Variants in EIPR1 observed in about 807,000 individuals in gnomAD.
EIPR1 encodes the protein EARP and GARP complex-interacting protein 1.
EIPR1 carries 25 observed loss-of-function variants against 48.1 expected under a neutral mutation model. The ratio of observed to expected loss-of-function variants is 0.52; its 90% CI spans 0.38 to 0.73. The LOEUF is 0.73. Ranked by LOEUF, EIPR1 falls within the 30% of genes least tolerant of loss-of-function variation. The probability of loss-of-function intolerance (pLI) is 0.00; values close to 1 mark genes in which losing one functional copy is unlikely to be tolerated. For missense variants in EIPR1, 415 were observed against 506.2 expected, an observed-to-expected ratio of 0.82 and a Z score of 1.73; for synonymous variants, 204 against 201.9, an observed-to-expected ratio of 1.01 and a Z score of -0.09.
intron 3 of EIPR1, among the ~76,000 whole-genome samples, chr2:3,277,018 T>C (rs771244086): frequency 6.6e-6 from 1 of 152,208 alleles, no homozygotes; most frequent in Non-Finnish European, 1.5e-5. Context: ...TCCAATACTC[T>C]AATTAAAAAC....
chr2:3,246,244 G>T (rs940693953), intron 4 of EIPR1, among the ~76,000 whole-genome samples: 1 of 152,122 alleles, frequency 6.6e-6, no homozygotes, highest in Non-Finnish European at 1.5e-5. Flanking sequence ...TTTACAAAAT[G>T]GGAAGGATAG....
In EIPR1 at chr2:3,377,313, C is replaced by T. The variant is rs1572499229; in HGVS notation, c.42+335G>A. ...AAACATTTTTATTTTAAACAACATA[C>T]AGTTCCTACCTTCAGGAACTCAAAT... On this transcript the variant is annotated intron_variant, in intron 1 of 8. Transcript: ENST00000382125. 14 of 335,554 alleles carry T rather than the reference C, an allele frequency of 4.2e-5. No individual in the cohort carries two copies. In the East Asian group the frequency reaches 6.6e-4, roughly 16 times the overall value. The allele number at this position is 335,554 out of a possible 1,614,324, so 20.8% of individuals were successfully genotyped here.
intron 3 of EIPR1, chr2:3,319,157 C>A: frequency 3.0e-6 from 1 of 337,458 alleles, no homozygotes; most frequent in Non-Finnish European, 5.9e-6. Flanking sequence ...CTCCATCCTG[C>A]GTGACAAAAA....
At chr2:3,262,404 G>A (rs1238737521) in intron 3 of EIPR1, among the ~76,000 whole-genome samples, 1 of 152,128 alleles carries the variant, frequency 6.6e-6, no homozygotes, top group Non-Finnish European at 1.5e-5. Context: ...TTCTGCTGAG[G>A]ACACCAGGAC....
chr2:3,255,434 T>C (rs2694069), intron 4 of EIPR1, among the ~76,000 whole-genome samples: 100,631 of 152,076 alleles, frequency 0.66, 33,522 homozygotes, highest in East Asian at 0.81. Context: ...CCACCCACCT[T>C]GGCCTCCCAA....
At chr2:3,370,437 T>C (rs1671086319) in intron 1 of EIPR1, among the ~76,000 whole-genome samples, 2 of 152,044 alleles carry the variant, frequency 1.3e-5, no homozygotes, top group South Asian at 4.2e-4. Flanking sequence ...ATCAAACTAC[T>C]CCGAGCTACA....
rs557264226 is a variant in EIPR1 at position 3,232,704 on chromosome 2, C to T, written c.417-18456G>A. On this transcript the variant is annotated intron_variant, in intron 4 of 8. Transcript: ENST00000382125. ...TCACTCTCCTCTCAGGGGAGAGAGC[C>T]GGTTCCCCCATGTTGAATAGGCCTG... Among the ~76,000 whole-genome samples the T allele has an allele frequency of 2.0e-5, 3 of 152,162 alleles. No homozygotes were observed. The South Asian group carries it at 6.2e-4, about 32-fold the overall frequency.
At chr2:3,324,419 T>C (rs1219817061) in intron 3 of EIPR1, among the ~76,000 whole-genome samples, 1 of 152,254 alleles carries the variant, frequency 6.6e-6, no homozygotes, top group Non-Finnish European at 1.5e-5. Context: ...TGTCGCTCCG[T>C]GTGCCCACTG....
intron 5 of EIPR1, among the ~76,000 whole-genome samples, chr2:3,199,162 G>A (rs1664924744): frequency 6.7e-6 from 1 of 149,808 alleles, no homozygotes. Flanking sequence ...ATCCGTTTTG[G>A]TAATAAGAGA....
At chr2:3,261,089 C>G (rs974362911) in intron 3 of EIPR1, among the ~76,000 whole-genome samples, 2 of 152,056 alleles carry the variant, frequency 1.3e-5, no homozygotes, top group Non-Finnish European at 2.9e-5. Flanking sequence ...AAACCCAGCC[C>G]CAAGTAAATG....
chr2:3,303,452 G>A (rs1168156604), intron 3 of EIPR1, among the ~76,000 whole-genome samples: 1 of 152,346 alleles, frequency 6.6e-6, no homozygotes, highest in South Asian at 2.1e-4. Flanking sequence ...GGAAGTCACC[G>A]GCACTGCTGC....
At chr2:3,328,911 TC>T (rs1411622229) in intron 3 of EIPR1, among the ~76,000 whole-genome samples, 3 of 142,294 alleles carry the variant, frequency 2.1e-5, no homozygotes, top group Non-Finnish European at 3.0e-5. Flanking sequence ...CAGCCTGGGC[TC>T]CCCTGAATCA....
chr2:3,315,072 A>G, intron 3 of EIPR1, among the ~76,000 whole-genome samples: 1 of 41,508 alleles, frequency 2.4e-5, no homozygotes, highest in Non-Finnish European at 4.5e-5. Flanking sequence ...GTACCCCACC[A>G]CAGTCATCAC....
In EIPR1 at chr2:3,194,164, T is replaced by C; in HGVS notation, c.656A>G (p.Gln219Arg). The C allele has an allele frequency of 6.2e-7, 1 of 1,613,334 alleles. No homozygotes were observed. Among genetic ancestry groups the C allele is most frequent in the East Asian group, 2.2e-5 (1 of 44,882 alleles). ...LRGWDTRSMS[Q>R]IYCIENAHGQ... ...GTGGGCATTCTCTATGCAGTAGATC[T>C]GGCTGAGGGAGAAGGAAGAACAGCA... Residue 219 changes from glutamine (Q) to arginine (R), a missense_variant and splice_region_variant, in exon 7 of 9, where the codon CAG becomes CGG. Coordinates refer to ENST00000382125, the MANE Select transcript of EIPR1 (RefSeq NM_003310.5).
intron 3 of EIPR1, among the ~76,000 whole-genome samples, chr2:3,314,538 C>T (rs1189046728): frequency 6.6e-6 from 1 of 151,966 alleles, no homozygotes; most frequent in Non-Finnish European, 1.5e-5. Context: ...ACTATCTTTC[C>T]AAGACCACAG....
In EIPR1 at chr2:3,216,414, A is replaced by T. The variant is rs530588777; in HGVS notation, c.417-2166T>A. Among the ~76,000 whole-genome samples the T allele has an allele frequency of 2.8e-4, 42 of 152,302 alleles. No individual in the cohort carries two copies. In the South Asian group the frequency reaches 8.7e-3, roughly 32 times the overall value. On this transcript the variant is annotated intron_variant, in intron 4 of 8. Coordinates refer to ENST00000382125, the MANE Select transcript of EIPR1 (RefSeq NM_003310.5). ...AGTGACAGTGACTTCTCAGCATGGT[A>T]CCAGCAAGACGCAGTGTACGTCAGC...
chr2:3,236,499 C>T (rs1016930532), intron 4 of EIPR1, among the ~76,000 whole-genome samples: 1 of 152,154 alleles, frequency 6.6e-6, no homozygotes, highest in African/African-American at 2.4e-5. Context: ...GGCTGAAAAC[C>T]ACACCTGAGA....
At chr2:3,238,382 G>T (rs559659970) in intron 4 of EIPR1, among the ~76,000 whole-genome samples, 1 of 152,230 alleles carries the variant, frequency 6.6e-6, no homozygotes, top group Non-Finnish European at 1.5e-5. Context: ...AGCCGCGGGA[G>T]GTCCTGTCGC....
chr2:3,333,615 C>A (rs751512821), intron 3 of EIPR1, among the ~76,000 whole-genome samples: 13 of 151,916 alleles, frequency 8.6e-5, no homozygotes, highest in Non-Finnish European at 1.8e-4. Flanking sequence ...GTAGTGCATA[C>A]CTGTGGTCCC....
Sources: allele counts gnomAD v4.1 joint callset (sites outside exome capture counted in the v4.1 genomes callset), GRCh38; gene constraint gnomAD v4.1.1; transcripts MANE v1.5; gene names NCBI Gene and HGNC (gene_info 2026-07-23, HGNC 2026-07-21).